The following RPS24 variants were observed in gnomAD, a reference collection of about 807,000 sequenced individuals.
RPS24 encodes ribosomal protein S24.
For missense variants in RPS24, 100 were observed against 162.5 expected (o/e 0.62, Z 2.09); for synonymous variants, 72 against 55.6 (o/e 1.30, Z -1.31).
chr10:78,052,018 A>AATTT (rs547804949), intron 4 of RPS24, among the ~76,000 whole-genome samples: 53 of 151,678 alleles, frequency 3.5e-4, no homozygotes, highest in South Asian at 1.5e-3. Flanking sequence ...CCATTTTTAA[A>AATTT]ATTTATTTAT....
In RPS24 at chr10:78,035,625, A is replaced by G; in HGVS notation, c.184A>G (p.Thr62Ala). The G allele has an allele frequency of 1.2e-6, 2 of 1,611,614 alleles. No individual in the cohort carries two copies. Among genetic ancestry groups the G allele is most frequent in the Non-Finnish European group, 1.7e-6 (2 of 1,179,988 alleles). Residue 62 changes from threonine to alanine, a missense_variant, in exon 3 of 6, where the codon ACT becomes GCT. Physicochemically the swap from Thr to Ala is moderately conservative, Grantham distance 58 (BLOSUM62 0). Transcript: ENST00000372360. The part of the protein sequence containing the change: ...PDVIFVFGFR[T>A]HFGGGKTTGF... ...TGTCATCTTTGTATTTGGATTCAGA[A>G]CTCATTTTGGTGGTGGCAAGACAAC...
intron 4 of RPS24, 104 bp downstream of exon 4, chr10:78,037,408 T>G (rs1847895900): frequency 2.0e-6 from 3 of 1,478,096 alleles, no homozygotes; most frequent in African/African-American, 1.4e-5. Context: ...TTCTTAATGT[T>G]TCTTCTTTTC....
At chr10:78,037,072 G>C in intron 3 of RPS24, 122 bp from the exon 4 acceptor site, 1 of 1,194,850 alleles carries the variant, frequency 8.4e-7, no homozygotes, top group Non-Finnish European at 1.2e-6. Context: ...AAATGTACTT[G>C]AAAAGTTTTG....
chr10:78,044,832 T>C (rs964533963), downstream of RPS24, among the ~76,000 whole-genome samples: 35 of 150,998 alleles, frequency 2.3e-4, no homozygotes, highest in Admixed American at 2.3e-3. Context: ...AAATAAAACG[T>C]TGGAGAATTA....
At chr10:78,053,517 T>C (rs1848120231) in intron 4 of RPS24, among the ~76,000 whole-genome samples, 1 of 152,234 alleles carries the variant, frequency 6.6e-6, no homozygotes, top group African/African-American at 2.4e-5. Flanking sequence ...ATGTGGCCCG[T>C]TTCCTTGGAG....
downstream of RPS24, among the ~76,000 whole-genome samples, chr10:78,041,571 G>A (rs141019437): frequency 1.1e-3 from 170 of 152,358 alleles, no homozygotes; most frequent in African/African-American, 3.8e-3. Context: ...TTGATGAACA[G>A]TGCATACCAG....
downstream of RPS24, among the ~76,000 whole-genome samples, chr10:78,041,983 A>T (rs1427844545): frequency 6.6e-6 from 1 of 152,226 alleles, no homozygotes; most frequent in Non-Finnish European, 1.5e-5. Context: ...AGGTGGGATG[A>T]AACTCAGGCT....
At chr10:78,039,562 G>A (rs562546985) in intron 4 of RPS24, 1 of 153,002 alleles carries the variant, frequency 6.5e-6, no homozygotes, top group African/African-American at 2.4e-5. Flanking sequence ...GTTAGAATTG[G>A]TATTTGTTCT....
chr10:78,036,209 GT>G (rs1236205342), intron 3 of RPS24: 1 of 193,968 alleles, frequency 5.2e-6, no homozygotes, highest in Non-Finnish European at 1.1e-5. Flanking sequence ...TGCTTGTTTT[GT>G]TTGTTCCTTT....
chr10:78,054,689 G>C, exon 5 of RPS24: 1 of 1,551,722 alleles, frequency 6.4e-7, no homozygotes, highest in Non-Finnish European at 8.7e-7. Context: ...GCAGATTGCG[G>C]AGGGGCTGTG....
Position 78,054,608 on chromosome 10 carries a change from G to A in RPS24, c.468G>A (p.Ser156=), listed in dbSNP as rs770232935. 1.7e-4 allele frequency: 261 copies of A among 1,551,684 alleles called. No individual in the cohort carries two copies. Among genetic ancestry groups the A allele is most frequent in the Non-Finnish European group, 2.1e-4 (242 of 1,146,956 alleles). The change falls in exon 5 of 5, where the codon TCG becomes TCA. Residue 156 remains serine, a synonymous_variant. Transcript: ENST00000440692. ...AGAGATGCACAGATGTGAAGAACTC[G>A]AAGGCAAGAGAAAGCCGGGGGGTTG...
At position 78,035,367 on chromosome 10, in the gene RPS24, A is replaced by G. The variant is rs777285958; in HGVS notation, c.19A>G (p.Ile7Val). 3.1e-6 allele frequency: 5 copies of G among 1,614,180 alleles called. No homozygotes were observed. The Admixed American group carries it at 5.0e-5, about 16-fold the overall frequency. The change falls in exon 2 of 6, where the codon ATC (isoleucine) becomes GTC (valine). Residue 7 changes from isoleucine to valine, a missense_variant. Ile to Val is a conservative substitution (Grantham distance 29). Coordinates refer to ENST00000372360, the MANE Select transcript of RPS24 (RefSeq NM_033022.4). Reference protein sequence around the residue: MNDTVTIRTRKFMTNRL... With the variant: MNDTVTVRTRKFMTNRL... ...ATGTTTTCAGAACGACACCGTAACT[A>G]TCCGCACTAGAAAGTTCATGACCAA...
At chr10:78,047,818 C>T (rs1035335360) in intron 4 of RPS24, among the ~76,000 whole-genome samples, 16 of 152,346 alleles carry the variant, frequency 1.1e-4, no homozygotes, top group South Asian at 8.3e-4. Flanking sequence ...CCCAGCAGCC[C>T]GATTCTGCTT....
Position 78,035,595 on chromosome 10 carries a change from C to T in RPS24, c.154C>T (p.Pro52Ser). 3 of 1,613,536 alleles carry T rather than the reference C, an allele frequency of 1.9e-6. No individual in the cohort carries two copies. The highest frequency in any genetic ancestry group is 2.5e-6 in the Non-Finnish European group (3 of 1,180,024). ...ACTAGCCAAAATGTACAAGACCACA[C>T]CGGATGTCATCTTTGTATTTGGATT... is the stretch of plus-strand genomic sequence containing the variant. ...EKLAKMYKTT[P>S]DVIFVFGFRT... Residue 52 changes from proline (P) to serine (S), a missense_variant, in exon 3 of 6, where the codon CCG (proline) becomes TCG (serine). By Grantham distance (74) the Pro-to-Ser change is moderately conservative. Coordinates refer to ENST00000372360, the MANE Select transcript of RPS24 (RefSeq NM_033022.4).
At chr10:78,052,652 C>A (rs559056645) in intron 4 of RPS24, among the ~76,000 whole-genome samples, 2 of 152,136 alleles carry the variant, frequency 1.3e-5, no homozygotes, top group African/African-American at 4.8e-5. Context: ...TTGGAAGCCA[C>A]GAGGAGGAGT....
At chr10:78,045,542 C>G (rs572304539), downstream of RPS24, among the ~76,000 whole-genome samples, 2 of 151,844 alleles carry the variant, frequency 1.3e-5, no homozygotes, top group South Asian at 4.2e-4. Context: ...GGTGCAGTGG[C>G]ACTGTTTTGG....
exon 5 of RPS24, chr10:78,055,969 C>T (rs1287141600): frequency 6.6e-6 from 1 of 152,140 alleles, no homozygotes; most frequent in Non-Finnish European, 1.5e-5. Flanking sequence ...GTCAGGGTGA[C>T]CTCAAACTCC....
intron 4 of RPS24, among the ~76,000 whole-genome samples, chr10:78,047,908 A>G (rs1848062272): frequency 6.6e-6 from 1 of 152,112 alleles, no homozygotes; most frequent in Non-Finnish European, 1.5e-5. Context: ...TGGGTCCAAG[A>G]CCTGTTTTCA....
intron 4 of RPS24, chr10:78,039,012 G>A (rs1293275969): frequency 6.6e-6 from 1 of 152,118 alleles, no homozygotes; most frequent in South Asian, 2.1e-4. Flanking sequence ...AGTGGGGTGG[G>A]CGTAGTGGGA....
Sources: allele counts gnomAD v4.1 joint callset (sites outside exome capture counted in the v4.1 genomes callset), GRCh38; gene constraint gnomAD v4.1.1; transcripts MANE v1.5; gene names NCBI Gene and HGNC (gene_info 2026-07-23, HGNC 2026-07-21).